RALYL: variants seen among roughly 807,000 people sequenced by gnomAD.
RALYL encodes the protein RNA-binding Raly-like protein.
A neutral mutation model predicts 35.1 loss-of-function variants in RALYL; 29 were observed. The observed-to-expected ratio is 0.83, with a 90% CI of 0.61 to 1.13. The LOEUF is 1.13. Among genes scored for constraint, RALYL ranks in the 50% most tolerant of loss-of-function variants. RALYL has a pLI of 0.00. For missense variants in RALYL, 359 were observed against 360.4 expected (o/e 1.00, Z 0.03); for synonymous variants, 120 against 127.6 (o/e 0.94, Z 0.40).
At chr8:84,224,580 G>A (rs1397406509) in intron 1 of RALYL, among the ~76,000 whole-genome samples, 3 of 151,768 alleles carry the variant, frequency 2.0e-5, no homozygotes, top group Non-Finnish European at 4.4e-5. Flanking sequence ...TTTAAGCTAA[G>A]TATAAAGTTT....
At position 84,312,233 on chromosome 8, in the gene RALYL, A is replaced by C. The variant is rs561202855; in HGVS notation, c.-24+127809A>C. 4.6e-5 allele frequency among the ~76,000 whole-genome samples: 7 copies of C among 152,332 alleles called. No individual in the cohort carries two copies. In the East Asian group the frequency reaches 1.4e-3, roughly 30 times the overall value. ...ATAGGGGAGACTGCCCCCATAATCC[A>C]GTCACCTCCCACCAGGTCCTTTCCT... On this transcript the variant is annotated intron_variant, in intron 1 of 8. Transcript: ENST00000521268.
intron 2 of RALYL, among the ~76,000 whole-genome samples, chr8:84,591,819 A>C (rs1450617778): frequency 1.3e-5 from 2 of 152,222 alleles, no homozygotes; most frequent in Non-Finnish European, 2.9e-5. Context: ...TCACAGATCC[A>C]GTGTGTCGAA....
chr8:84,856,104 T>C (rs1269865080), intron 5 of RALYL, among the ~76,000 whole-genome samples: 2 of 152,234 alleles, frequency 1.3e-5, no homozygotes, highest in Non-Finnish European at 2.9e-5. Context: ...AGTATGGTAT[T>C]CCATTTGAAA....
At chr8:84,289,772 C>T (rs1838401890) in intron 1 of RALYL, among the ~76,000 whole-genome samples, 2 of 151,892 alleles carry the variant, frequency 1.3e-5, no homozygotes. Context: ...GTAAAGTTTT[C>T]TACATTTTTT....
At chr8:84,317,947 G>A (rs1844068977) in intron 1 of RALYL, among the ~76,000 whole-genome samples, 1 of 151,554 alleles carries the variant, frequency 6.6e-6, no homozygotes, top group Non-Finnish European at 1.5e-5. Context: ...AAGTTTTTAT[G>A]TCTATCACCA....
rs189458494 is a variant in RALYL at position 84,523,735 on chromosome 8, A to C, written c.-23-5564A>C. On this transcript the variant is annotated intron_variant, in intron 1 of 8. Transcript: ENST00000521268. ...CTGTGTCCATGTGATCTCATTGTTC[A>C]ATTCCCACCTGTGAGTTAGAATATG... 3.0e-4 allele frequency among the ~76,000 whole-genome samples: 41 copies of C among 138,382 alleles called. 2 individuals are homozygous for C. The East Asian group carries it at 8.9e-3, about 30-fold the overall frequency. 90.8% of individuals were successfully genotyped at this position (138,382 alleles called of 152,430 possible).
intron 2 of RALYL, among the ~76,000 whole-genome samples, chr8:84,546,117 A>C (rs1294044627): frequency 2.0e-5 from 3 of 151,994 alleles, no homozygotes; most frequent in Admixed American, 2.0e-4. Flanking sequence ...AGAGACAGAA[A>C]GAGAGAAGAG....
chr8:84,408,709 A>G (rs2043802744), intron 1 of RALYL, among the ~76,000 whole-genome samples: 1 of 152,176 alleles, frequency 6.6e-6, no homozygotes, highest in African/African-American at 2.4e-5. Flanking sequence ...TCAGTTCATC[A>G]CTAGTAGTCA....
chr8:84,909,047 A>T (rs1220341280), intron 8 of RALYL, among the ~76,000 whole-genome samples: 1 of 152,128 alleles, frequency 6.6e-6, no homozygotes, highest in Non-Finnish European at 1.5e-5. Flanking sequence ...CAGCAGGCAG[A>T]TGGCCCTCTA....
intron 4 of RALYL, among the ~76,000 whole-genome samples, chr8:84,834,838 T>C (rs1831628825): frequency 6.6e-6 from 1 of 152,182 alleles, no homozygotes; most frequent in South Asian, 2.1e-4. Flanking sequence ...AGCAGAAAGT[T>C]CCACAGATGT....
intron 1 of RALYL, among the ~76,000 whole-genome samples, chr8:84,371,612 G>A (rs555174779): frequency 6.0e-5 from 9 of 150,506 alleles, no homozygotes; most frequent in East Asian, 2.0e-4. Flanking sequence ...AAAATTTTAC[G>A]TATTACTTAA....
At chr8:84,775,225 G>A (rs190669736) in intron 3 of RALYL, among the ~76,000 whole-genome samples, 1 of 152,102 alleles carries the variant, frequency 6.6e-6, no homozygotes, top group Admixed American at 6.5e-5. Flanking sequence ...CAAAGTGCTG[G>A]GATTACAGGC....
At chr8:84,261,415 G>C (rs2131815976) in intron 1 of RALYL, among the ~76,000 whole-genome samples, 1 of 152,216 alleles carries the variant, frequency 6.6e-6, no homozygotes, top group Non-Finnish European at 1.5e-5. Flanking sequence ...AGGAGATCTG[G>C]TGGTTTTACA....
At chr8:84,686,974 C>T (rs1010340279) in intron 2 of RALYL, among the ~76,000 whole-genome samples, 3 of 152,080 alleles carry the variant, frequency 2.0e-5, no homozygotes, top group Non-Finnish European at 4.4e-5. Flanking sequence ...TTAAATATTA[C>T]AAATAGTCTT....
intron 2 of RALYL, among the ~76,000 whole-genome samples, chr8:84,735,817 A>C (rs908826698): frequency 1.5e-5 from 2 of 132,032 alleles, no homozygotes; most frequent in African/African-American, 3.9e-5. Context: ...ACCGCGAGAG[A>C]GAGAGAGAGA....
chr8:84,845,089 G>A (rs775347703), intron 4 of RALYL, among the ~76,000 whole-genome samples: 3 of 152,010 alleles, frequency 2.0e-5, no homozygotes, highest in Non-Finnish European at 4.4e-5. Flanking sequence ...TGCACGTTGT[G>A]CACAAGTACC....
chr8:84,814,657 A>AAGTT (rs1380190079), intron 4 of RALYL, among the ~76,000 whole-genome samples: 1 of 152,184 alleles, frequency 6.6e-6, no homozygotes, highest in African/African-American at 2.4e-5. Context: ...AAGTTACAAG[A>AAGTT]AGTTATTTCC....
intron 1 of RALYL, among the ~76,000 whole-genome samples, chr8:84,236,255 C>T (rs760854423): frequency 6.6e-6 from 1 of 152,040 alleles, no homozygotes; most frequent in South Asian, 2.1e-4. Flanking sequence ...TGCATCTGCC[C>T]AGTGATATAA....
intron 1 of RALYL, among the ~76,000 whole-genome samples, chr8:84,202,367 ATTTTT>A (rs1187950600): frequency 1.8e-5 from 2 of 113,448 alleles, no homozygotes; most frequent in African/African-American, 3.2e-5. Flanking sequence ...TATTGAAGGG[ATTTTT>A]TTTTTTTTTT....
Sources: gnomAD v4.1 joint callset for allele counts (sites outside exome capture counted in the v4.1 genomes callset) on GRCh38, gnomAD v4.1.1 for gene constraint, MANE v1.5 for transcripts, NCBI Gene and HGNC (gene_info 2026-07-23, HGNC 2026-07-21) for gene names.